The following SEMA3A variants were observed in gnomAD, a reference collection of about 807,000 sequenced individuals.
SEMA3A encodes semaphorin-3A.
SEMA3A carries 29 observed loss-of-function variants against 97.9 expected under a neutral mutation model. That is an observed-to-expected ratio of 0.30 (90% CI 0.22 to 0.40). SEMA3A has a LOEUF of 0.40. Ranked by LOEUF, SEMA3A falls within the 10% of genes least tolerant of loss-of-function variation. SEMA3A has a pLI of 1.00. For synonymous variants in SEMA3A, 321 were observed against 323.7 expected (o/e 0.99, Z 0.09); for missense variants, 763 against 951.3 (o/e 0.80, Z 2.60).
chr7:84,492,215 T>A (rs931858835), intron 1 of SEMA3A, among the ~76,000 whole-genome samples: 1 of 152,068 alleles, frequency 6.6e-6, no homozygotes, highest in Non-Finnish European at 1.5e-5. Flanking sequence ...AGGATTGAAT[T>A]AACAGTATTA....
intron 3 of SEMA3A, among the ~76,000 whole-genome samples, chr7:84,297,904 A>G (rs569261753): frequency 5.6e-4 from 85 of 152,304 alleles, no homozygotes; most frequent in Non-Finnish European, 1.0e-3. Flanking sequence ...ACCTATGGTA[A>G]TAGGAGGACA....
intron 1 of SEMA3A, among the ~76,000 whole-genome samples, chr7:84,477,720 T>A (rs1806332756): frequency 6.6e-6 from 1 of 152,096 alleles, no homozygotes; most frequent in Admixed American, 6.5e-5. Flanking sequence ...AATGAAACAG[T>A]GAATTAATAT....
At chr7:84,203,516 A>T (rs1396857214) in intron 3 of SEMA3A, among the ~76,000 whole-genome samples, 2 of 47,658 alleles carry the variant, frequency 4.2e-5, no homozygotes, top group African/African-American at 1.7e-4. Flanking sequence ...ATATATATAT[A>T]TATATATATA....
At chr7:83,964,730 T>C (rs1394997983) in intron 15 of SEMA3A, among the ~76,000 whole-genome samples, 1 of 152,154 alleles carries the variant, frequency 6.6e-6, no homozygotes, top group Non-Finnish European at 1.5e-5. Flanking sequence ...GCCCTGGAAA[T>C]AGGAAAATAA....
intron 4 of SEMA3A, among the ~76,000 whole-genome samples, chr7:84,096,484 T>C (rs1172685569): frequency 2.6e-5 from 4 of 152,082 alleles, no homozygotes; most frequent in Admixed American, 6.6e-5. Flanking sequence ...TAAGTAGTTA[T>C]GAGTATACAA....
intron 2 of SEMA3A, among the ~76,000 whole-genome samples, chr7:84,357,273 TCCCCGCCCCA>T (rs1802585958): frequency 7.0e-6 from 1 of 142,790 alleles, no homozygotes; most frequent in Non-Finnish European, 1.5e-5. Flanking sequence ...ATGCTATGCC[TCCCCGCCCCA>T]CCCCCCCTCC....
chr7:84,135,062 G>T, intron 1 of SEMA3A, 111 bp from the exon 2 acceptor site: 2 of 740,310 alleles, frequency 2.7e-6, no homozygotes, highest in Non-Finnish European at 4.2e-6. Flanking sequence ...ATCAATCAGT[G>T]CTTATTCTTC....
intron 3 of SEMA3A, among the ~76,000 whole-genome samples, chr7:84,277,780 A>G (rs950356499): frequency 5.9e-5 from 9 of 152,094 alleles, no homozygotes; most frequent in Admixed American, 5.9e-4. Flanking sequence ...CTTTCCTTCT[A>G]GGCTTCAAGA....
At chr7:84,425,308 T>A (rs1804773303) in intron 1 of SEMA3A, among the ~76,000 whole-genome samples, 1 of 117,336 alleles carries the variant, frequency 8.5e-6, no homozygotes, top group Non-Finnish European at 1.6e-5. Context: ...TATAAATATA[T>A]AATATAATGA....
At chr7:84,277,046 TA>T (rs1267666849) in intron 3 of SEMA3A, among the ~76,000 whole-genome samples, 11 of 152,098 alleles carry the variant, frequency 7.2e-5, no homozygotes, top group African/African-American at 2.7e-4. Flanking sequence ...CTTTGCCAAG[TA>T]GTTTCATTTC....
chr7:84,185,065 T>C (rs928598224), intron 1 of SEMA3A, among the ~76,000 whole-genome samples: 1 of 152,172 alleles, frequency 6.6e-6, no homozygotes, highest in Non-Finnish European at 1.5e-5. Context: ...GGTGTTTTAA[T>C]TTCAGTAATT....
intron 4 of SEMA3A, among the ~76,000 whole-genome samples, chr7:84,104,140 T>C (rs1415182224): frequency 6.6e-6 from 1 of 152,122 alleles, no homozygotes; most frequent in African/African-American, 2.4e-5. Context: ...CTTATCTGCA[T>C]TGATTTCTGG....
chr7:84,052,334 C>T (rs1346744385), intron 5 of SEMA3A, among the ~76,000 whole-genome samples: 1 of 152,196 alleles, frequency 6.6e-6, no homozygotes, highest in Non-Finnish European at 1.5e-5. Context: ...GTGAATCCAT[C>T]TAGTCCTGCA....
chr7:84,475,891 T>A (rs558546849), intron 1 of SEMA3A, among the ~76,000 whole-genome samples: 13 of 152,340 alleles, frequency 8.5e-5, no homozygotes, highest in Admixed American at 2.6e-4. Context: ...GTTGTCATGG[T>A]AGACTTAATC....
chr7:84,216,479 AT>A (rs879936923), intron 3 of SEMA3A, among the ~76,000 whole-genome samples: 6 of 152,240 alleles, frequency 3.9e-5, no homozygotes, highest in African/African-American at 9.6e-5. Context: ...TATGGTGAAT[AT>A]TTTTTAAAGC....
intron 1 of SEMA3A, among the ~76,000 whole-genome samples, chr7:84,140,670 A>G (rs1796269461): frequency 6.6e-6 from 1 of 152,126 alleles, no homozygotes; most frequent in South Asian, 2.1e-4. Context: ...ACATCTAGAT[A>G]TTTGTAAATA....
chr7:84,011,141 G>A, intron 8 of SEMA3A, 42 bp downstream of exon 8: 1 of 1,602,602 alleles, frequency 6.2e-7, no homozygotes, highest in Non-Finnish European at 8.5e-7. Flanking sequence ...GAATGGCAAA[G>A]TCTGAACAAA....
In SEMA3A at chr7:84,099,078, T is replaced by TCAA. The variant is rs1794867150; in HGVS notation, c.453+11391_453+11392insTTG. On this transcript the variant is annotated intron_variant, in intron 4 of 16. Coordinates refer to ENST00000265362, the MANE Select transcript of SEMA3A (RefSeq NM_006080.3). ...GAATTACATTTTCTTTTTTTTTCTTTTTTTTTTTTTGAGACGGAGTCTCGC... is the reference window on the plus strand; with the variant it reads ...GAATTACATTTTCTTTTTTTTTCTTTCAATTTTTTTTTTGAGACGGAGTCTCGC... 3.8e-5 allele frequency among the ~76,000 whole-genome samples: 2 copies of TCAA among 52,152 alleles called. 1 individual carries two copies. Among genetic ancestry groups the TCAA allele is most frequent in the Non-Finnish European group, 1.3e-4 (2 of 15,442 alleles). The allele number at this position is 52,152 out of a possible 152,430, so 34.2% of individuals were successfully genotyped here.
At chr7:83,968,023 C>T (rs1788773733) in intron 15 of SEMA3A, among the ~76,000 whole-genome samples, 1 of 151,996 alleles carries the variant, frequency 6.6e-6, no homozygotes, top group Non-Finnish European at 1.5e-5. Context: ...CAATTTGATT[C>T]TTTATTAAAG....
Sources: gnomAD v4.1 joint callset for allele counts (sites outside exome capture counted in the v4.1 genomes callset) on GRCh38, gnomAD v4.1.1 for gene constraint, MANE v1.5 for transcripts, NCBI Gene and HGNC (gene_info 2026-07-23, HGNC 2026-07-21) for gene names.